Variants in TSHZ2 observed in about 807,000 individuals in gnomAD.
TSHZ2 encodes the protein teashirt zinc finger homeobox 2, also known as teashirt homolog 2.
A neutral mutation model predicts 74.4 loss-of-function variants in TSHZ2; 21 were observed. The ratio of observed to expected loss-of-function variants is 0.28; its 90% CI spans 0.20 to 0.41. The LOEUF is 0.41. TSHZ2 is among the 10% of genes least tolerant of loss of function. TSHZ2 has a pLI of 1.00. For synonymous variants in TSHZ2, 540 were observed against 515.3 expected (o/e 1.05, Z -0.65); for missense variants, 1,244 against 1,293.5 (o/e 0.96, Z 0.59).
At chr20:53,442,828 C>T (rs887564829) in intron 2 of TSHZ2, among the ~76,000 whole-genome samples, 1 of 152,126 alleles carries the variant, frequency 6.6e-6, no homozygotes, top group Non-Finnish European at 1.5e-5. Context: ...GTTTTTAAGC[C>T]GGCAGAGGTT....
intron 1 of TSHZ2, among the ~76,000 whole-genome samples, chr20:53,020,345 C>CT (rs1472915850): frequency 6.6e-6 from 1 of 152,158 alleles, no homozygotes; most frequent in Non-Finnish European, 1.5e-5. Context: ...TTTCATTTTA[C>CT]TTAGCATGGC....
At chr20:53,236,681 G>T (rs1989946753) in intron 1 of TSHZ2, among the ~76,000 whole-genome samples, 2 of 152,152 alleles carry the variant, frequency 1.3e-5, no homozygotes, top group South Asian at 4.1e-4. Context: ...CCTGAGACTG[G>T]GTTATTTATA....
At chr20:53,007,519 G>A (rs926165942) in intron 1 of TSHZ2, among the ~76,000 whole-genome samples, 1 of 152,196 alleles carries the variant, frequency 6.6e-6, no homozygotes, top group South Asian at 2.1e-4. Context: ...TCTTGGTGAT[G>A]ACATTAGCAT....
chr20:52,982,323 C>G (rs761777996), intron 1 of TSHZ2, among the ~76,000 whole-genome samples: 1 of 152,104 alleles, frequency 6.6e-6, no homozygotes, highest in Non-Finnish European at 1.5e-5. Flanking sequence ...ATAGTCATAG[C>G]GAGTTGCCAG....
At chr20:53,056,733 A>G (rs1984652358) in intron 1 of TSHZ2, among the ~76,000 whole-genome samples, 1 of 151,814 alleles carries the variant, frequency 6.6e-6, no homozygotes, top group African/African-American at 2.4e-5. Context: ...AAATGCTCAC[A>G]CTCTGCCCAA....
At chr20:53,064,578 G>A (rs1176551978) in intron 1 of TSHZ2, among the ~76,000 whole-genome samples, 2 of 152,018 alleles carry the variant, frequency 1.3e-5, no homozygotes, top group Non-Finnish European at 2.9e-5. Flanking sequence ...GTTCAAGCCT[G>A]CAGTGAGCTA....
At chr20:53,201,257 T>C (rs186217369) in intron 1 of TSHZ2, among the ~76,000 whole-genome samples, 172 of 152,350 alleles carry the variant, frequency 1.1e-3, no homozygotes, top group Non-Finnish European at 2.8e-4. Context: ...ATTGTCTTTC[T>C]TTCTGGAAGC....
At chr20:53,294,953 A>G (rs975898775) in intron 2 of TSHZ2, among the ~76,000 whole-genome samples, 21 of 152,222 alleles carry the variant, frequency 1.4e-4, no homozygotes, top group Non-Finnish European at 2.9e-5. Context: ...TGGAGGCTCC[A>G]GTGGAGTGTT....
At chr20:53,394,936 G>GCCACTT (rs1982395196) in intron 2 of TSHZ2, among the ~76,000 whole-genome samples, 1 of 142,616 alleles carries the variant, frequency 7.0e-6, no homozygotes, top group Admixed American at 7.3e-5. Flanking sequence ...GTTCCTCTTT[G>GCCACTT]CCACTTCCCA....
intron 2 of TSHZ2, among the ~76,000 whole-genome samples, chr20:53,437,145 G>T: frequency 6.6e-6 from 1 of 152,102 alleles, no homozygotes; most frequent in East Asian, 1.9e-4. Flanking sequence ...TTATAATCAC[G>T]TGTGTGTTAG....
intron 2 of TSHZ2, among the ~76,000 whole-genome samples, chr20:53,258,290 C>T (rs1441713629): frequency 2.0e-5 from 3 of 152,142 alleles, no homozygotes; most frequent in African/African-American, 7.2e-5. Context: ...TGGGGTTCAA[C>T]AGCGTCCTAT....
At chr20:53,020,014 C>T (rs1016967719) in intron 1 of TSHZ2, among the ~76,000 whole-genome samples, 1 of 152,156 alleles carries the variant, frequency 6.6e-6, no homozygotes, top group Non-Finnish European at 1.5e-5. Context: ...AAGCAAGGCA[C>T]GTCCTACATG....
chr20:53,193,198 A>T (rs78968282), intron 1 of TSHZ2, among the ~76,000 whole-genome samples: 2 of 142,514 alleles, frequency 1.4e-5, no homozygotes, highest in Admixed American at 1.4e-4. Context: ...GAAAAAAAAA[A>T]CACCACCTCT....
rs144101508 is a variant in TSHZ2, at chr20:53,213,991, G to A, written c.41-39508G>A. ...GTACAATATAGTAGTAGGTGCTGGC[G>A]GGGAGGTCACATACACAGATAAACC... On this transcript the variant is annotated intron_variant, in intron 1 of 2. Coordinates refer to ENST00000371497, the MANE Select transcript of TSHZ2 (RefSeq NM_173485.6). Among the ~76,000 whole-genome samples the A allele has an allele frequency of 3.0e-3, 453 of 152,248 alleles. 4 individuals carry two copies. Among genetic ancestry groups the A allele is most frequent in the African/African-American group, 0.01 (423 of 41,522 alleles).
chr20:53,177,914 T>C (rs1988383658), intron 1 of TSHZ2, among the ~76,000 whole-genome samples: 1 of 152,160 alleles, frequency 6.6e-6, no homozygotes, highest in East Asian at 1.9e-4. Flanking sequence ...TCACAGTATC[T>C]CTCGCACTGC....
intron 2 of TSHZ2, among the ~76,000 whole-genome samples, chr20:53,452,579 A>C (rs1247890876): frequency 1.4e-5 from 2 of 144,120 alleles, no homozygotes; most frequent in African/African-American, 5.1e-5. Flanking sequence ...AGCCTGGGTG[A>C]CACAGTGAGA....
intron 2 of TSHZ2, among the ~76,000 whole-genome samples, chr20:53,375,684 A>C (rs1443101262): frequency 6.6e-6 from 1 of 152,204 alleles, no homozygotes; most frequent in Non-Finnish European, 1.5e-5. Flanking sequence ...CTGTAGCATC[A>C]AGACCATCAG....
At chr20:52,993,357 T>C (rs1982062607) in intron 1 of TSHZ2, among the ~76,000 whole-genome samples, 1 of 152,224 alleles carries the variant, frequency 6.6e-6, no homozygotes, top group Admixed American at 6.5e-5. Context: ...TGGACTGACC[T>C]GTTAGTACTC....
At chr20:53,280,829 A>G (rs1991046333) in intron 2 of TSHZ2, among the ~76,000 whole-genome samples, 1 of 152,138 alleles carries the variant, frequency 6.6e-6, no homozygotes, top group South Asian at 2.1e-4. Context: ...AGTAGCTGGG[A>G]CTAGAGGTGC....
Sources: gnomAD v4.1 joint callset for allele counts (sites outside exome capture counted in the v4.1 genomes callset) on GRCh38, gnomAD v4.1.1 for gene constraint, MANE v1.5 for transcripts, NCBI Gene and HGNC (gene_info 2026-07-23, HGNC 2026-07-21) for gene names.